IST1: variants seen among roughly 807,000 people sequenced by gnomAD.
The protein encoded by IST1 is IST1 factor associated with ESCRT-III.
In IST1, 23 loss-of-function variants were observed where a neutral mutation model predicts 37.0. The ratio of observed to expected loss-of-function variants is 0.62; its 90% confidence interval spans 0.45 to 0.88. The LOEUF (loss-of-function observed/expected upper bound fraction) is 0.88. IST1 is among the 40% of genes least tolerant of loss of function. IST1 has a pLI of 0.00. For missense variants in IST1, 488 were observed against 445.4 expected, an observed-to-expected ratio of 1.10 and a Z score of -0.86; for synonymous variants, 180 against 161.7, an observed-to-expected ratio of 1.11 and a Z score of -0.86.
chr16:71,923,768 TAAAGGA>T (rs2037668776), intron 8 of IST1, among the ~76,000 whole-genome samples: 2 of 152,126 alleles, frequency 1.3e-5, no homozygotes, highest in African/African-American at 2.4e-5. Flanking sequence ...TCAACACATG[TAAAGGA>T]AGAGTGACCA....
At chr16:71,924,998 T>C (rs2037704425) in intron 9 of IST1, among the ~76,000 whole-genome samples, 181 bp downstream of exon 9, 1 of 151,542 alleles carries the variant, frequency 6.6e-6, no homozygotes, top group African/African-American at 2.4e-5. Context: ...AAATCCTAAG[T>C]GATAGCTCAG....
intron 8 of IST1, 143 bp downstream of exon 8, chr16:71,923,523 A>G (rs945351488): frequency 6.0e-5 from 31 of 519,660 alleles, no homozygotes; most frequent in Non-Finnish European, 9.0e-5. Flanking sequence ...GTGTTGCTTT[A>G]TAACACTACC....
intron 8 of IST1, among the ~76,000 whole-genome samples, chr16:71,923,771 A>C (rs986387955): frequency 6.6e-6 from 1 of 152,148 alleles, no homozygotes; most frequent in Non-Finnish European, 1.5e-5. Flanking sequence ...ACACATGTAA[A>C]GGAAGAGTGA....
intron 1 of IST1, among the ~76,000 whole-genome samples, chr16:71,896,414 C>T (rs367585742): frequency 4.8e-4 from 73 of 152,202 alleles, no homozygotes; most frequent in African/African-American, 1.4e-3. Context: ...AATATTTTAA[C>T]TTTTTATTAT....
chr16:71,925,610 G>T (rs373257689), intron 9 of IST1, among the ~76,000 whole-genome samples: 1 of 151,980 alleles, frequency 6.6e-6, no homozygotes, highest in Non-Finnish European at 1.5e-5. Flanking sequence ...CACCGTGCCC[G>T]GCCAGCTCAG....
Position 71,902,745 on chromosome 16 carries a change from C to T in IST1, c.-16+7156C>T, listed in dbSNP as rs370787406. Among the ~76,000 whole-genome samples the T allele has an allele frequency of 1.6e-4, 24 of 152,236 alleles. 1 individual carries two copies. The highest frequency in any genetic ancestry group is 9.8e-4 in the Admixed American group (15 of 15,272). ...TCTTTAGAATCTGTAGTGATATTCA[C>T]CCTTTCATCGCTGATACTGATAATT... On this transcript the variant is annotated intron_variant, in intron 1 of 9. Coordinates refer to ENST00000378799, the MANE Select transcript of IST1 (RefSeq NM_001270975.2).
Position 71,929,603 on chromosome 16 carries a change from A to C in IST1, c.*1790A>C, listed in dbSNP as rs1420746850. 23 of 1,551,674 alleles carry C rather than the reference A, an allele frequency of 1.5e-5. No homozygotes were observed. The highest frequency in any genetic ancestry group is 2.0e-5 in the Non-Finnish European group (23 of 1,147,014). ...GCTGTCGTGGCTGCTTGCTCAGATG[A>C]GGTTTTTTGGGGCCAACTGATTCCT... is the stretch of plus-strand genomic sequence containing the variant. On this transcript the variant is annotated 3_prime_UTR_variant, in exon 10 of 10. Transcript: ENST00000378799.
Position 71,916,565 on chromosome 16 carries a change from C to A in IST1, c.192C>A (p.Tyr64Ter). 1 of 1,614,026 alleles carries A rather than the reference C, an allele frequency of 6.2e-7. No individual in the cohort carries two copies. The highest frequency in any genetic ancestry group is 8.5e-7 in the Non-Finnish European group (1 of 1,179,896). ...TGGAGCACATTATCCGGGAAGACTA[C>A]CTCGTGGAGGCCATGGAGATCCTGG... The part of the protein sequence containing the change: ...IRVEHIIRED[Y>*]LVEAMEILEL... Residue 64 changes from tyrosine (Y) to a stop codon, truncating the protein, a stop_gained, in exon 3 of 10, where the codon TAC becomes TAA. Coordinates refer to ENST00000378799, the MANE Select transcript of IST1 (RefSeq NM_001270975.2). LOFTEE classifies it high-confidence loss of function.
chr16:71,923,176 T>C (rs1006617263), intron 7 of IST1, 112 bp from the exon 8 acceptor site: 52 of 550,758 alleles, frequency 9.4e-5, no homozygotes, highest in Non-Finnish European at 1.6e-4. Flanking sequence ...TGAATATTTA[T>C]ATATATTTAG....
chr16:71,915,187 C>T (rs977278587), intron 1 of IST1, among the ~76,000 whole-genome samples: 3 of 152,158 alleles, frequency 2.0e-5, no homozygotes, highest in African/African-American at 7.2e-5. Context: ...TCATCTTCCC[C>T]CATTGCCATC....
rs200239315 is a variant in IST1, at chr16:71,927,660, T to C, written c.948T>C (p.Pro316=). 1.7e-4 allele frequency: 278 copies of C among 1,613,832 alleles called. 1 individual carries two copies. Among genetic ancestry groups the C allele is most frequent in the Admixed American group, 1.3e-4 (8 of 59,980 alleles). The part of the protein sequence containing the change: ...PEASAKLPSR[P]ADNYDNFVLP... ...CCTCTGCAAAGCTTCCTTCCAGACCTGCAGATAACTATGACAACTTTGTCC... is the reference window on the plus strand; with the variant it reads ...CCTCTGCAAAGCTTCCTTCCAGACCCGCAGATAACTATGACAACTTTGTCC... Residue 316 remains proline, a synonymous_variant, in exon 10 of 10, where the codon CCT becomes CCC. Transcript: ENST00000378799.
chr16:71,924,651 G>T, intron 8 of IST1, 118 bp from the exon 9 acceptor site: 1 of 773,682 alleles, frequency 1.3e-6, no homozygotes, highest in Non-Finnish European at 2.3e-6. Context: ...AGTTTCTTTG[G>T]AACAGGCTCT....
upstream of IST1, chr16:71,894,698 C>CTTTTTTT: frequency 9.0e-6 from 4 of 443,580 alleles, no homozygotes; most frequent in Non-Finnish European, 1.2e-5. Flanking sequence ...TAATTTTTAA[C>CTTTTTTT]TTTTTTTTTT....
At chr16:71,923,254 C>G (rs1421637494) in intron 7 of IST1, 34 bp from the exon 8 acceptor site, 3 of 1,285,752 alleles carry the variant, frequency 2.3e-6, no homozygotes, top group East Asian at 4.7e-5. Flanking sequence ...AAACTGGAGG[C>G]AGTGTCTCTG....
In IST1 at chr16:71,922,694, A is replaced by T. The variant is rs2335707; in HGVS notation, c.759+14A>T. On this transcript the variant is annotated intron_variant, in intron 7 of 9. Transcript: ENST00000378799. ...CCAAAGGGACCAGTAAGTATATATA[A>T]GTGTGGATGTAAGCTTTAGAAAATG... The T allele has an allele frequency of 0.36, 547,229 of 1,540,456 alleles. 100,209 individuals carry two copies. Among genetic ancestry groups the T allele is most frequent in the East Asian group, 0.63 (27,283 of 43,538 alleles).
At chr16:71,926,888 G>T (rs2037757174) in intron 9 of IST1, among the ~76,000 whole-genome samples, 1 of 152,044 alleles carries the variant, frequency 6.6e-6, no homozygotes, top group Non-Finnish European at 1.5e-5. Flanking sequence ...TGGAAATACA[G>T]ATCAGACTAT....
intron 1 of IST1, among the ~76,000 whole-genome samples, chr16:71,915,275 A>G (rs2142565770): frequency 6.6e-6 from 1 of 152,240 alleles, no homozygotes; most frequent in African/African-American, 2.4e-5. Flanking sequence ...CCATGCCAAT[A>G]TCTAGGTATT....
chr16:71,895,576 C>T lies in IST1; in HGVS notation c.-29C>T, dbSNP rs2036946066. 3 of 985,070 alleles carry T rather than the reference C, an allele frequency of 3.0e-6. No individual in the cohort carries two copies. In the South Asian group the frequency reaches 1.4e-4, roughly 46 times the overall value. 61.0% of individuals were successfully genotyped at this position (985,070 alleles called of 1,614,324 possible). On this transcript the variant is annotated 5_prime_UTR_variant, in exon 1 of 10. Coordinates refer to ENST00000378799, the MANE Select transcript of IST1 (RefSeq NM_001270975.2). ...AAGTCGGTGTCTGCTGCGTTCACGG[C>T]AGGATTCGGTTAGGTGAGTGTGGCA...
chr16:71,914,057 C>G (rs1366374485), intron 1 of IST1, among the ~76,000 whole-genome samples: 1 of 152,124 alleles, frequency 6.6e-6, no homozygotes, highest in Non-Finnish European at 1.5e-5. Flanking sequence ...ATCCACCCAC[C>G]TAGGCCTCCC....
Sources: allele counts gnomAD v4.1 joint callset (sites outside exome capture counted in the v4.1 genomes callset), GRCh38; gene constraint gnomAD v4.1.1; transcripts MANE v1.5; gene names NCBI Gene and HGNC (gene_info 2026-07-23, HGNC 2026-07-21).